Variants in GLUD1 observed in about 807,000 individuals in gnomAD.
The protein encoded by GLUD1 is glutamate dehydrogenase 1, mitochondrial.
In GLUD1, 22 loss-of-function variants were observed where a neutral mutation model predicts 56.0. The ratio of observed to expected loss-of-function variants is 0.39; its 90% confidence interval spans 0.28 to 0.56. The LOEUF is 0.56. Ranked by LOEUF, GLUD1 falls within the 20% of genes least tolerant of loss-of-function variation. GLUD1 has a pLI of 0.58. For synonymous variants in GLUD1, 223 were observed against 269.9 expected (o/e 0.83, Z 1.70); for missense variants, 451 against 732.0 (o/e 0.62, Z 4.43).
chr10:87,086,878 T>C (rs1841397206), intron 1 of GLUD1, among the ~76,000 whole-genome samples: 1 of 151,966 alleles, frequency 6.6e-6, no homozygotes, highest in Admixed American at 6.6e-5. Flanking sequence ...TCTCACACAT[T>C]TCTGACACCA....
intron 1 of GLUD1, among the ~76,000 whole-genome samples, chr10:87,085,598 T>C (rs1841363630): frequency 6.6e-6 from 1 of 152,158 alleles, no homozygotes; most frequent in African/African-American, 2.4e-5. Context: ...ATTAAAAATT[T>C]AAAATTATAA....
chr10:87,054,856 T>C (rs974107786), intron 11 of GLUD1, among the ~76,000 whole-genome samples: 15 of 152,154 alleles, frequency 9.9e-5, no homozygotes, highest in African/African-American at 3.1e-4. Flanking sequence ...CAACAAGAAC[T>C]GGACCTAAGA....
intron 4 of GLUD1, 38 bp from the exon 5 acceptor site, chr10:87,068,195 TA>T: frequency 7.9e-7 from 1 of 1,269,380 alleles, no homozygotes; most frequent in Non-Finnish European, 1.2e-6. Flanking sequence ...CACCAGTTTT[TA>T]AGAAAAATTC....
At chr10:87,090,492 A>C (rs1230523087) in intron 1 of GLUD1, among the ~76,000 whole-genome samples, 1 of 152,218 alleles carries the variant, frequency 6.6e-6, no homozygotes, top group Non-Finnish European at 1.5e-5. Context: ...GAAAGACTGA[A>C]ATCTGATGTA....
At chr10:87,086,949 C>A (rs1476410069) in intron 1 of GLUD1, among the ~76,000 whole-genome samples, 1 of 152,064 alleles carries the variant, frequency 6.6e-6, no homozygotes, top group Non-Finnish European at 1.5e-5. Context: ...AACTGGGTGT[C>A]CTGCAATTCA....
At chr10:87,067,838 T>C in intron 5 of GLUD1, 1 of 505,190 alleles carries the variant, frequency 2.0e-6, no homozygotes, top group South Asian at 2.0e-5. Context: ...TGGGCTGCCC[T>C]GGTCCTGTTC....
chr10:87,061,760 G>A (rs1369657626), intron 6 of GLUD1, among the ~76,000 whole-genome samples: 2 of 151,622 alleles, frequency 1.3e-5, no homozygotes, highest in Non-Finnish European at 2.9e-5. Context: ...GGGATTACAG[G>A]TGCCGCCATC....
rs1303033669 is a variant in GLUD1 at position 87,059,266 on chromosome 10, T to G, written c.1286A>C (p.Tyr429Ser). The G allele has an allele frequency of 1.9e-6, 3 of 1,613,624 alleles. No individual in the cohort carries two copies. ...TACTGTCACTCCTCCAGCATTCAAG[T>G]AGAGATCCTATGCACAAAAATAAGA... ...ERNIMVIPDL[Y>S]LNAGGVTVSY... Residue 429 changes from tyrosine to serine, a missense_variant, in exon 10 of 13, where the codon TAC becomes TCC. Tyr to Ser is a moderately radical substitution (Grantham distance 144). Transcript: ENST00000277865.
At chr10:87,064,355 A>G (rs1481318468) in intron 5 of GLUD1, among the ~76,000 whole-genome samples, 3 of 152,256 alleles carry the variant, frequency 2.0e-5, no homozygotes, top group African/African-American at 7.2e-5. Flanking sequence ...AGAACACTGC[A>G]GAGTAAACTC....
At chr10:87,057,430 T>G (rs1287067352) in intron 11 of GLUD1, among the ~76,000 whole-genome samples, 4 of 152,232 alleles carry the variant, frequency 2.6e-5, no homozygotes, top group Non-Finnish European at 5.9e-5. Flanking sequence ...ATAATTAAAA[T>G]ACATAATAAT....
chr10:87,079,536 T>C (rs1841146305), intron 1 of GLUD1, among the ~76,000 whole-genome samples: 1 of 152,234 alleles, frequency 6.6e-6, no homozygotes, highest in African/African-American at 2.4e-5. Context: ...TATTATTTAA[T>C]GATAACTACA....
At chr10:87,083,359 G>C (rs1477064293) in intron 1 of GLUD1, among the ~76,000 whole-genome samples, 1 of 152,174 alleles carries the variant, frequency 6.6e-6, no homozygotes, top group African/African-American at 2.4e-5. Context: ...CTGAAAGGCA[G>C]GGAAAGCCTA....
At chr10:87,086,233 G>C (rs12414004) in intron 1 of GLUD1, among the ~76,000 whole-genome samples, 1,899 of 152,228 alleles carry the variant, frequency 0.012, 94 homozygotes, top group Admixed American at 0.1. Flanking sequence ...TTTTACACCA[G>C]ATCTTCTTTA....
intron 4 of GLUD1, among the ~76,000 whole-genome samples, chr10:87,069,088 C>G (rs1810273793): frequency 6.6e-6 from 1 of 151,910 alleles, no homozygotes; most frequent in South Asian, 2.1e-4. Context: ...AGGTTTCATA[C>G]AGCATGTATA....
intron 11 of GLUD1, among the ~76,000 whole-genome samples, chr10:87,054,941 G>C (rs1845726982): frequency 6.6e-6 from 1 of 152,244 alleles, no homozygotes; most frequent in Non-Finnish European, 1.5e-5. Flanking sequence ...GAGCTGGGTA[G>C]ATGCGGAAGC....
At chr10:87,093,185 C>T (rs2296063) in intron 1 of GLUD1, among the ~76,000 whole-genome samples, 58,066 of 152,012 alleles carry the variant, frequency 0.38, 11,743 homozygotes, top group African/African-American at 0.51. Context: ...TAAAAATCCT[C>T]ATAAGTCAGC....
At chr10:87,080,187 G>C (rs1841178657) in intron 1 of GLUD1, among the ~76,000 whole-genome samples, 1 of 152,078 alleles carries the variant, frequency 6.6e-6, no homozygotes, top group African/African-American at 2.4e-5. Context: ...TGATCCGCCA[G>C]CCTAGGCCTC....
intron 1 of GLUD1, among the ~76,000 whole-genome samples, chr10:87,090,012 C>T (rs1923935): frequency 0.25 from 38,187 of 151,998 alleles, 5,708 homozygotes; most frequent in East Asian, 0.71. Context: ...TCAATGTGCT[C>T]TAAAGTGATA....
intron 6 of GLUD1, among the ~76,000 whole-genome samples, chr10:87,061,737 C>CTCCTGAGTA (rs1227426173): frequency 6.6e-6 from 1 of 151,728 alleles, no homozygotes; most frequent in East Asian, 1.9e-4. Flanking sequence ...CTGCCTTAGT[C>CTCCTGAGTA]TCCTGAGTAG....
Sources: gnomAD v4.1 joint callset for allele counts (sites outside exome capture counted in the v4.1 genomes callset) on GRCh38, gnomAD v4.1.1 for gene constraint, MANE v1.5 for transcripts, NCBI Gene and HGNC (gene_info 2026-07-23, HGNC 2026-07-21) for gene names.